AMBRA1: variants seen among roughly 807,000 people sequenced by gnomAD.
The protein encoded by AMBRA1 is autophagy and beclin 1 regulator 1.
Under a neutral mutation model 125.4 loss-of-function variants are expected in AMBRA1, and 47 were observed. The ratio of observed to expected loss-of-function variants is 0.37; its 90% CI spans 0.30 to 0.48. The LOEUF (loss-of-function observed/expected upper bound fraction) is 0.48, where lower values mean the gene tolerates loss of function less well. Among genes scored for constraint, AMBRA1 ranks in the 20% least tolerant of loss-of-function variants. AMBRA1 has a pLI of 0.99. For synonymous variants in AMBRA1, 626 were observed against 655.5 expected, an observed-to-expected ratio of 0.95 and a Z score of 0.69; for missense variants, 1,331 against 1,693.4, an observed-to-expected ratio of 0.79 and a Z score of 3.76.
intron 1 of AMBRA1, among the ~76,000 whole-genome samples, chr11:46,569,184 G>A (rs2043656286): frequency 7.2e-6 from 1 of 138,304 alleles, no homozygotes; most frequent in African/African-American, 2.7e-5. Context: ...TTTGCTTCCT[G>A]AATCAAAATG....
intron 11 of AMBRA1, among the ~76,000 whole-genome samples, chr11:46,492,636 A>T (rs555791687): frequency 6.6e-6 from 1 of 152,272 alleles, no homozygotes; most frequent in East Asian, 1.9e-4. Flanking sequence ...TAAAAATGGA[A>T]TTCTGCTTTA....
At chr11:46,514,812 A>G (rs1031817178) in intron 7 of AMBRA1, among the ~76,000 whole-genome samples, 3 of 152,230 alleles carry the variant, frequency 2.0e-5, no homozygotes, top group Non-Finnish European at 2.9e-5. Context: ...AGGAACACAT[A>G]AAATAACGGC....
intron 1 of AMBRA1, among the ~76,000 whole-genome samples, chr11:46,580,774 C>T (rs2044141532): frequency 6.6e-6 from 1 of 152,106 alleles, no homozygotes; most frequent in African/African-American, 2.4e-5. Context: ...AATGTACCCA[C>T]AGTAATGGGG....
At chr11:46,433,242 C>T (rs1263282229) in intron 14 of AMBRA1, among the ~76,000 whole-genome samples, 1 of 152,186 alleles carries the variant, frequency 6.6e-6, no homozygotes, top group Non-Finnish European at 1.5e-5. Flanking sequence ...ACTTGCAGGC[C>T]TCTGGGGAAT....
intron 7 of AMBRA1, among the ~76,000 whole-genome samples, chr11:46,535,530 T>G (rs1952430739): frequency 6.6e-6 from 1 of 152,156 alleles, no homozygotes; most frequent in Non-Finnish European, 1.5e-5. Context: ...AAAGCATCAG[T>G]AGGAAAGAAC....
At chr11:46,569,838 G>A (rs2043692313) in intron 1 of AMBRA1, among the ~76,000 whole-genome samples, 2 of 152,118 alleles carry the variant, frequency 1.3e-5, no homozygotes, top group South Asian at 4.1e-4. Flanking sequence ...GTATGCACAG[G>A]TAATCCCAGC....
intron 4 of AMBRA1, 33 bp downstream of exon 4, chr11:46,547,080 C>A: frequency 1.3e-6 from 2 of 1,557,334 alleles, no homozygotes; most frequent in South Asian, 1.2e-5. Context: ...ATTAGAACAC[C>A]AAAAGAAAAG....
intron 16 of AMBRA1, 69 bp downstream of exon 16, chr11:46,410,207 A>G (rs1946221120): frequency 6.8e-7 from 1 of 1,465,786 alleles, no homozygotes; most frequent in South Asian, 1.1e-5. Flanking sequence ...GCTGCTTAAG[A>G]GCCCATCAAA....
intron 17 of AMBRA1, among the ~76,000 whole-genome samples, chr11:46,403,236 G>A (rs1565119772): frequency 6.6e-6 from 1 of 152,182 alleles, no homozygotes; most frequent in Non-Finnish European, 1.5e-5. Context: ...AGCCAAAGAG[G>A]GAACTGAGGC....
chr11:46,553,035 T>C lies in AMBRA1; in HGVS notation c.-120-4535A>G, dbSNP rs146811211. 3.4e-4 allele frequency among the ~76,000 whole-genome samples: 52 copies of C among 152,112 alleles called. No homozygotes were observed. The East Asian group carries it at 9.2e-3, about 27-fold the overall frequency. ...ATCTCGGCTCACTGCAACCTCTGCCTCCTGGGTTCAGGTAATTCTGTTTCA... is the reference window on the plus strand; with the variant it reads ...ATCTCGGCTCACTGCAACCTCTGCCCCCTGGGTTCAGGTAATTCTGTTTCA... On this transcript the variant is annotated intron_variant, in intron 1 of 17. Coordinates refer to ENST00000683756, the MANE Select transcript of AMBRA1 (RefSeq NM_001387011.1).
Position 46,433,459 on chromosome 11 carries a change from A to T in AMBRA1, c.2976+15T>A. ...GGAGCTGCCATACAGTGAAGGCACAAGCAATGGCACTCACCCTCATGGAGG... is the reference window on the plus strand; with the variant it reads ...GGAGCTGCCATACAGTGAAGGCACATGCAATGGCACTCACCCTCATGGAGG... On this transcript the variant is annotated intron_variant, in intron 14 of 17. Transcript: ENST00000683756. 6.2e-7 allele frequency: 1 copy of T among 1,612,824 alleles called. No individual in the cohort carries two copies. The highest frequency in any genetic ancestry group is 8.5e-7 in the Non-Finnish European group (1 of 1,179,214).
rs376172943 is a variant in AMBRA1 at position 46,441,684 on chromosome 11, A to G, written c.2632+1804T>C. 1.4e-3 allele frequency among the ~76,000 whole-genome samples: 214 copies of G among 152,306 alleles called. 8 individuals carry two copies. The South Asian group carries it at 0.043, about 31-fold the overall frequency. On this transcript the variant is annotated intron_variant, in intron 12 of 17. Transcript: ENST00000683756. ...AGCACCACTGTACTATGTATTCGAC[A>G]GCTCACATCTAGAGTTTTCTATTCT...
intron 17 of AMBRA1, among the ~76,000 whole-genome samples, 184 bp from the exon 18 acceptor site, chr11:46,398,127 C>T (rs1027241866): frequency 6.6e-6 from 1 of 152,244 alleles, no homozygotes; most frequent in Non-Finnish European, 1.5e-5. Context: ...AAAATGTTCA[C>T]AATCCATACT....
Position 46,402,788 on chromosome 11 carries a change from A to G in AMBRA1, c.3404-4845T>C, listed in dbSNP as rs148530805. ...CCGAACACAATACCAGACACAAAGTAAGTGCTCAAAAAAGAATGAATGGAA... is the reference window on the plus strand; with the variant it reads ...CCGAACACAATACCAGACACAAAGTGAGTGCTCAAAAAAGAATGAATGGAA... On this transcript the variant is annotated intron_variant, in intron 17 of 17. Transcript: ENST00000683756. 6.4e-4 allele frequency among the ~76,000 whole-genome samples: 97 copies of G among 152,348 alleles called. 1 individual carries two copies. The highest frequency in any genetic ancestry group is 2.3e-3 in the East Asian group (12 of 5,194).
chr11:46,451,188 C>A (rs768754614), intron 11 of AMBRA1, among the ~76,000 whole-genome samples: 7 of 152,102 alleles, frequency 4.6e-5, no homozygotes, highest in Non-Finnish European at 1.0e-4. Flanking sequence ...TGATGACAGA[C>A]AAAACAAGGA....
chr11:46,465,827 A>G, intron 11 of AMBRA1, among the ~76,000 whole-genome samples: 1 of 152,354 alleles, frequency 6.6e-6, no homozygotes, highest in Admixed American at 6.5e-5. Flanking sequence ...TCTTGCTTAA[A>G]CATTCACAGA....
At chr11:46,591,941 A>ATTTT (rs1167665024) in intron 1 of AMBRA1, among the ~76,000 whole-genome samples, 54 of 115,126 alleles carry the variant, frequency 4.7e-4, no homozygotes, top group African/African-American at 1.8e-3. Flanking sequence ...CTCAAGACTG[A>ATTTT]TTTTTTTTTT....
At chr11:46,494,823 A>G (rs1950577320) in intron 9 of AMBRA1, 2 of 152,612 alleles carry the variant, frequency 1.3e-5, no homozygotes, top group South Asian at 4.1e-4. Context: ...ATTTGAATAC[A>G]AAGTCTGGGT....
chr11:46,508,411 T>C lies in AMBRA1; in HGVS notation c.2160-41A>G, dbSNP rs777974579. 47 of 1,591,672 alleles carry C rather than the reference T, an allele frequency of 3.0e-5. No individual in the cohort carries two copies. The East Asian group carries it at 1.1e-3, about 36-fold the overall frequency. On this transcript the variant is annotated intron_variant, in intron 8 of 17. Coordinates refer to ENST00000683756, the MANE Select transcript of AMBRA1 (RefSeq NM_001387011.1). ...ATGGACAAACACAAACTAGCACTAA[T>C]GTGGGGAATACTATGAAAGGCAGTT...
Sources: gnomAD v4.1 joint callset for allele counts (sites outside exome capture counted in the v4.1 genomes callset) on GRCh38, gnomAD v4.1.1 for gene constraint, MANE v1.5 for transcripts, NCBI Gene and HGNC (gene_info 2026-07-23, HGNC 2026-07-21) for gene names.